The following SCHIP1 variants were observed in gnomAD, a reference collection of about 807,000 sequenced individuals.
SCHIP1 encodes schwannomin-interacting protein 1.
Under a neutral mutation model 29.7 loss-of-function variants are expected in SCHIP1, and 8 were observed. The observed-to-expected ratio is 0.27, with a 90% CI of 0.16 to 0.49. The LOEUF (loss-of-function observed/expected upper bound fraction) is 0.49. Among genes scored for constraint, SCHIP1 ranks in the 20% least tolerant of loss-of-function variants. The probability of loss-of-function intolerance (pLI) is 0.99; values close to 1 mark genes in which losing one functional copy is unlikely to be tolerated. For synonymous variants in SCHIP1, 76 were observed against 94.9 expected (o/e 0.80, Z 1.16); for missense variants, 193 against 294.6 (o/e 0.66, Z 2.52).
the SCHIP1 span, among the ~76,000 whole-genome samples, chr3:159,409,626 AATGGAAGATGACACAGAAAT>A: frequency 6.6e-6 from 1 of 152,144 alleles, no homozygotes; most frequent in Non-Finnish European, 1.5e-5. Context: ...TGATGAAAGA[AATGGAAGATGACACAGAAAT>A]ATGGAAAGAT....
the SCHIP1 span, among the ~76,000 whole-genome samples, chr3:159,571,213 C>T: frequency 1.3e-5 from 2 of 152,126 alleles, no homozygotes; most frequent in Non-Finnish European, 1.5e-5. Flanking sequence ...TTGTCTTGTT[C>T]CGGTTTTCAA....
the SCHIP1 span, among the ~76,000 whole-genome samples, chr3:159,631,447 G>C: frequency 1.3e-5 from 2 of 152,152 alleles, no homozygotes; most frequent in African/African-American, 4.8e-5. Flanking sequence ...GTGTTGACCA[G>C]CCAATGAACA....
chr3:159,382,131 A>G, the SCHIP1 span, among the ~76,000 whole-genome samples: 1 of 151,260 alleles, frequency 6.6e-6, no homozygotes, highest in Non-Finnish European at 1.5e-5. Flanking sequence ...ACTATACTTT[A>G]AGTTTTAGGG....
the SCHIP1 span, among the ~76,000 whole-genome samples, chr3:159,354,635 A>G: frequency 6.6e-6 from 1 of 152,300 alleles, no homozygotes; most frequent in East Asian, 1.9e-4. Context: ...GAGATTTAAA[A>G]TTACATCGAA....
At chr3:159,555,212 A>G in the SCHIP1 span, among the ~76,000 whole-genome samples, 2 of 152,252 alleles carry the variant, frequency 1.3e-5, no homozygotes, top group Non-Finnish European at 2.9e-5. Context: ...TACAAGGAGG[A>G]TCCAGTATTA....
chr3:159,645,284 T>C, the SCHIP1 span, among the ~76,000 whole-genome samples: 1 of 152,056 alleles, frequency 6.6e-6, no homozygotes. Flanking sequence ...TGATCAGGCT[T>C]ATCTAAAACA....
the SCHIP1 span, among the ~76,000 whole-genome samples, chr3:159,640,941 G>A: frequency 6.6e-6 from 1 of 152,146 alleles, no homozygotes; most frequent in Non-Finnish European, 1.5e-5. Flanking sequence ...TCTGGCAGGT[G>A]GCATGTCATG....
chr3:159,663,335 G>A, the SCHIP1 span, among the ~76,000 whole-genome samples: 74 of 152,306 alleles, frequency 4.9e-4, 1 homozygote, highest in East Asian at 0.013. Flanking sequence ...CAGGTGAGGA[G>A]GGTTCCGGGT....
At chr3:159,304,565 CTATGAA>C in the SCHIP1 span, among the ~76,000 whole-genome samples, 307 of 152,322 alleles carry the variant, frequency 2.0e-3, no homozygotes, top group African/African-American at 7.1e-3. Context: ...TTCCATGTGG[CTATGAA>C]TAAGATTCAT....
the SCHIP1 span, among the ~76,000 whole-genome samples, chr3:159,619,471 T>G: frequency 6.6e-6 from 1 of 152,222 alleles, no homozygotes; most frequent in Admixed American, 6.5e-5. Flanking sequence ...GAAACCCCAC[T>G]GAGCCACCAG....
the SCHIP1 span, among the ~76,000 whole-genome samples, chr3:159,439,949 T>G: frequency 6.6e-6 from 1 of 152,194 alleles, no homozygotes; most frequent in South Asian, 2.1e-4. Flanking sequence ...CAATTGCTTT[T>G]GGTGTCTTTG....
intron 2 of SCHIP1, among the ~76,000 whole-genome samples, chr3:159,874,615 T>C (rs1715594384): frequency 6.6e-6 from 1 of 152,202 alleles, no homozygotes; most frequent in South Asian, 2.1e-4. Flanking sequence ...ACTGAGAATC[T>C]GTATATACAA....
At chr3:159,359,324 A>T in the SCHIP1 span, among the ~76,000 whole-genome samples, 1 of 152,188 alleles carries the variant, frequency 6.6e-6, no homozygotes, top group Admixed American at 6.5e-5. Context: ...AATTTTTCAT[A>T]AAAGAAGTGA....
chr3:159,662,394 A>G, the SCHIP1 span, among the ~76,000 whole-genome samples: 3 of 152,236 alleles, frequency 2.0e-5, no homozygotes, highest in Non-Finnish European at 2.9e-5. Flanking sequence ...ATTTCTGTGC[A>G]GCACTGAGGA....
intron 1 of SCHIP1, among the ~76,000 whole-genome samples, chr3:159,852,630 G>A (rs2109113983): frequency 6.6e-6 from 1 of 152,244 alleles, no homozygotes; most frequent in African/African-American, 2.4e-5. Context: ...AAGAAAAGTT[G>A]ATGGATCTTT....
chr3:159,403,745 C>T, the SCHIP1 span, among the ~76,000 whole-genome samples: 1 of 152,164 alleles, frequency 6.6e-6, no homozygotes, highest in Non-Finnish European at 1.5e-5. Context: ...CTGGGCATGT[C>T]CTGATGATGT....
chr3:159,401,089 T>A, the SCHIP1 span: 1 of 599,030 alleles, frequency 1.7e-6, no homozygotes, highest in Non-Finnish European at 2.1e-6. Context: ...TAATAGCACA[T>A]CCTACAGGAT....
At chr3:159,523,234 A>G in the SCHIP1 span, among the ~76,000 whole-genome samples, 2 of 152,234 alleles carry the variant, frequency 1.3e-5, no homozygotes, top group Admixed American at 1.3e-4. Context: ...CTAATTTCTC[A>G]ATATTTTCAG....
At chr3:159,378,016 A>C in the SCHIP1 span, among the ~76,000 whole-genome samples, 1 of 152,224 alleles carries the variant, frequency 6.6e-6, no homozygotes, top group Non-Finnish European at 1.5e-5. Context: ...GGAATGATTC[A>C]CAGCATATGA....
Sources: gnomAD v4.1 joint callset for allele counts (sites outside exome capture counted in the v4.1 genomes callset) on GRCh38, gnomAD v4.1.1 for gene constraint, MANE v1.5 for transcripts, NCBI Gene and HGNC (gene_info 2026-07-23, HGNC 2026-07-21) for gene names.